Variants in ATAD3B observed in about 807,000 individuals in gnomAD.
ATAD3B encodes the protein ATPase family AAA domain-containing protein 3B.
In ATAD3B, 59 loss-of-function variants were observed where a neutral mutation model predicts 70.2. The ratio of observed to expected loss-of-function variants is 0.84; its 90% CI spans 0.68 to 1.04. The LOEUF is 1.04. Ranked by LOEUF, ATAD3B falls within the 50% of genes least tolerant of loss-of-function variation. The probability of loss-of-function intolerance (pLI) is 0.00; values close to 1 mark genes in which losing one functional copy is unlikely to be tolerated. For missense variants in ATAD3B, 961 were observed against 913.4 expected (o/e 1.05, Z -0.67); for synonymous variants, 423 against 388.6 (o/e 1.09, Z -1.04).
chr1:1,485,431 G>C (rs1412829602), intron 8 of ATAD3B, among the ~76,000 whole-genome samples: 1 of 152,082 alleles, frequency 6.6e-6, no homozygotes, highest in Non-Finnish European at 1.5e-5. Flanking sequence ...GTCCTTGCAA[G>C]ACCCGGGACT....
chr1:1,499,382 A>C (rs1385465114), downstream of ATAD3B, among the ~76,000 whole-genome samples: 3 of 140,218 alleles, frequency 2.1e-5, no homozygotes, highest in Non-Finnish European at 4.5e-5. Context: ...GATTACAGGC[A>C]CGTGCCACCA....
chr1:1,485,094 G>C lies in ATAD3B; in HGVS notation c.829G>C (p.Ala277Pro), dbSNP rs752080336. The C allele has an allele frequency of 8.1e-6, 13 of 1,610,502 alleles. No homozygotes were observed. Among genetic ancestry groups the C allele is most frequent in the Non-Finnish European group, 1.1e-5 (13 of 1,179,154 alleles). The change falls in exon 8 of 16, where the codon GCT becomes CCT. Residue 277 changes from alanine to proline, a missense_variant. Coordinates refer to ENST00000673477, the MANE Select transcript of ATAD3B (RefSeq NM_031921.6). ...ATAVTGRFIE[A>P]RLGKPSLVRE... ...AGCCGTCACTGGCCGCTTCATCGAG[G>C]CTCGGCTGGGGAAGCCGTCCCTAGT... is the stretch of plus-strand genomic sequence containing the variant.
At chr1:1,503,507 C>T in the ATAD3B span, 5 of 1,452,000 alleles carry the variant, frequency 3.4e-6, no homozygotes, top group Non-Finnish European at 4.7e-6. Context: ...TTCCAGAAAG[C>T]CCCTTGGCTG....
intron 2 of ATAD3B, among the ~76,000 whole-genome samples, 188 bp downstream of exon 2, chr1:1,477,538 C>T (rs573681772): frequency 2.0e-5 from 3 of 151,908 alleles, no homozygotes; most frequent in African/African-American, 4.8e-5. Flanking sequence ...GCCGCAGAGC[C>T]GCCCGAGAGG....
chr1:1,499,743 C>A (rs1468376892), downstream of ATAD3B, among the ~76,000 whole-genome samples: 1 of 149,374 alleles, frequency 6.7e-6, no homozygotes, highest in African/African-American at 2.5e-5. Flanking sequence ...TATAGGCATG[C>A]GCCACCAAGC....
chr1:1,494,681 C>T (rs1187629892), intron 15 of ATAD3B, among the ~76,000 whole-genome samples: 1 of 151,954 alleles, frequency 6.6e-6, no homozygotes, highest in African/African-American at 2.4e-5. Context: ...TGCTGCTGCC[C>T]CTGCACCCCG....
At chr1:1,486,055 C>T (rs1048262627) in intron 9 of ATAD3B, 55 bp from the exon 10 acceptor site, 3 of 1,611,084 alleles carry the variant, frequency 1.9e-6, no homozygotes, top group Non-Finnish European at 2.5e-6. Flanking sequence ...GCCCCTGTCA[C>T]CGAGGCTTCC....
chr1:1,486,409 G>T lies in ATAD3B; in HGVS notation c.1090-135G>T, dbSNP rs562400218. On this transcript the variant is annotated intron_variant, in intron 10 of 15. Coordinates refer to ENST00000673477, the MANE Select transcript of ATAD3B (RefSeq NM_031921.6). ...AGCGCCTCCCATCTTCCAGGCGGGG[G>T]ACGTCTCCTGTCTGGCAGGCTGTGG... The T allele has an allele frequency of 5.6e-5, 89 of 1,592,200 alleles. No homozygotes were observed. In the South Asian group the frequency reaches 8.9e-4, roughly 16 times the overall value.
At chr1:1,482,384 C>T in intron 6 of ATAD3B, 81 bp downstream of exon 6, 2 of 1,579,916 alleles carry the variant, frequency 1.3e-6, no homozygotes, top group Admixed American at 1.8e-5. Flanking sequence ...CTCTCCAGCT[C>T]TTCCAGGCCT....
intron 13 of ATAD3B, chr1:1,489,613 A>T: frequency 7.8e-7 from 1 of 1,287,038 alleles, no homozygotes; most frequent in Non-Finnish European, 1.0e-6. Context: ...CAGTAGGGTG[A>T]CCGGCCCTAT....
chr1:1,487,838 T>A lies in ATAD3B; in HGVS notation c.1215-25T>A, dbSNP rs766462525. 7.4e-6 allele frequency: 12 copies of A among 1,611,836 alleles called. No homozygotes were observed. The African/African-American group carries it at 1.2e-4, about 16-fold the overall frequency. ...GCTGCTCCTGGCGTCACTCTCGCCT[T>A]GCTTGGCCTCTCTCTCGTTCACAGC... On this transcript the variant is annotated intron_variant, in intron 11 of 15. Transcript: ENST00000673477.
chr1:1,485,288 C>T, intron 8 of ATAD3B, 117 bp downstream of exon 8: 2 of 1,483,290 alleles, frequency 1.3e-6, no homozygotes, highest in Non-Finnish European at 1.8e-6. Flanking sequence ...TAACAGGCAC[C>T]CGCACGCTGC....
chr1:1,490,282 C>T lies in ATAD3B; in HGVS notation c.1363C>T (p.Leu455=). ...NKFMLVLASN[L]PEQFDCAINS... Reference sequence around the variant, plus strand: ...ATTCATGCTGGTCCTGGCCAGCAATCTGCCTGAGCAGTTCGACTGTGCCAT... The same window carrying T: ...ATTCATGCTGGTCCTGGCCAGCAATTTGCCTGAGCAGTTCGACTGTGCCAT... The change falls in exon 14 of 16, where the codon CTG becomes TTG. Residue 455 remains leucine, a synonymous_variant. Transcript: ENST00000673477. 6.2e-7 allele frequency: 1 copy of T among 1,613,050 alleles called. No homozygotes were observed. Among genetic ancestry groups the T allele is most frequent in the Non-Finnish European group, 8.5e-7 (1 of 1,179,644 alleles).
intron 2 of ATAD3B, 141 bp from the exon 3 acceptor site, chr1:1,478,503 C>A: frequency 6.5e-7 from 1 of 1,549,534 alleles, no homozygotes; most frequent in Non-Finnish European, 8.7e-7. Flanking sequence ...GGTGCAGATG[C>A]AGCTGGAAGC....
At chr1:1,491,529 CAAAAT>C (rs1640540061) in intron 15 of ATAD3B, among the ~76,000 whole-genome samples, 2 of 151,680 alleles carry the variant, frequency 1.3e-5, no homozygotes, top group Admixed American at 1.3e-4. Flanking sequence ...GACTCCATCT[CAAAAT>C]AAAAGAAAGC....
At chr1:1,478,289 G>A (rs901888666) in intron 2 of ATAD3B, 19 of 880,036 alleles carry the variant, frequency 2.2e-5, no homozygotes, top group African/African-American at 1.2e-4. Context: ...GAGCGATGGC[G>A]CCCGGCCCAC....
At position 1,496,506 on chromosome 1, in the gene ATAD3B, AAG is replaced by A. The variant is rs1640802256; in HGVS notation, c.*692_*693del. Reference sequence around the variant, plus strand: ...TCATGACCACACTGCGCCCAGGTGTAAGAGGGCACGCTTCTGCCCAGGCATCG... The same window carrying A: ...TCATGACCACACTGCGCCCAGGTGTAAGGGCACGCTTCTGCCCAGGCATCG... On this transcript the variant is annotated 3_prime_UTR_variant, in exon 16 of 16. Coordinates refer to ENST00000673477, the MANE Select transcript of ATAD3B (RefSeq NM_031921.6). 3 of 152,300 alleles carry A rather than the reference AAG, an allele frequency of 2.0e-5. No individual in the cohort carries two copies. In the Admixed American group the frequency reaches 2.0e-4, roughly 10 times the overall value. 9.4% of individuals were successfully genotyped at this position (152,300 alleles called of 1,614,324 possible).
intron 15 of ATAD3B, among the ~76,000 whole-genome samples, chr1:1,493,108 C>G (rs922910994): frequency 2.6e-5 from 4 of 151,924 alleles, no homozygotes; most frequent in Non-Finnish European, 5.9e-5. Flanking sequence ...GAAACTGTCT[C>G]AAAATATAAA....
At chr1:1,477,675 ATTT>A (rs1169278521) in intron 2 of ATAD3B, among the ~76,000 whole-genome samples, 2 of 142,238 alleles carry the variant, frequency 1.4e-5, no homozygotes, top group Non-Finnish European at 3.0e-5. Context: ...ACTCAGCAGG[ATTT>A]TTTATTTTAT....
Sources: gnomAD v4.1 joint callset for allele counts (sites outside exome capture counted in the v4.1 genomes callset) on GRCh38, gnomAD v4.1.1 for gene constraint, MANE v1.5 for transcripts, NCBI Gene and HGNC (gene_info 2026-07-23, HGNC 2026-07-21) for gene names.